Variants in KIF13A observed in about 807,000 individuals in gnomAD.
The protein encoded by KIF13A is kinesin family member 13A.
A neutral mutation model predicts 212.2 loss-of-function variants in KIF13A; 79 were observed. That is an observed-to-expected ratio of 0.37 (90% CI 0.31 to 0.45). KIF13A has a LOEUF of 0.45. Ranked by LOEUF, KIF13A falls within the 20% of genes least tolerant of loss-of-function variation. KIF13A has a pLI of 1.00. For missense variants in KIF13A, 1,901 were observed against 2,209.0 expected (o/e 0.86, Z 2.79); for synonymous variants, 789 against 808.6 (o/e 0.98, Z 0.41).
intron 2 of KIF13A, among the ~76,000 whole-genome samples, chr6:17,964,669 T>A (rs1395648599): frequency 6.6e-6 from 1 of 151,500 alleles, no homozygotes; most frequent in South Asian, 2.1e-4. Context: ...GTTTAAAGAA[T>A]TTTTTTTTGA....
In KIF13A at chr6:17,918,308, T is replaced by C. The variant is rs1325528075; in HGVS notation, c.147-20128A>G. On this transcript the variant is annotated intron_variant, in intron 2 of 38. Transcript: ENST00000259711. This position sits in a 1 kb window ranked among gnomAD's most constrained non-coding sequence, Gnocchi z 4.8. ...AATAAATACATACATGCATAAAAAATAGTCTCAGAACTGTAGACCAAAAGA... is the reference window on the plus strand; with the variant it reads ...AATAAATACATACATGCATAAAAAACAGTCTCAGAACTGTAGACCAAAAGA... Among the ~76,000 whole-genome samples the C allele has an allele frequency of 6.6e-6, 1 of 152,172 alleles. No individual in the cohort carries two copies. The highest frequency in any genetic ancestry group is 1.5e-5 in the Non-Finnish European group (1 of 68,030).
intron 2 of KIF13A, among the ~76,000 whole-genome samples, chr6:17,975,307 T>C (rs905837151): frequency 1.4e-5 from 2 of 145,656 alleles, no homozygotes; most frequent in African/African-American, 4.9e-5. Flanking sequence ...GAGCTGAGAC[T>C]GTGTTCCGAA....
intron 6 of KIF13A, among the ~76,000 whole-genome samples, chr6:17,852,991 A>G (rs556593073): frequency 6.6e-6 from 1 of 152,338 alleles, no homozygotes; most frequent in Non-Finnish European, 1.5e-5. Context: ...AAGCAAAGCT[A>G]TGTATATACT....
chr6:17,860,536 G>GT (rs1768655689), intron 4 of KIF13A, among the ~76,000 whole-genome samples: 1 of 152,040 alleles, frequency 6.6e-6, no homozygotes, highest in Non-Finnish European at 1.5e-5. Context: ...TGTGAAAACA[G>GT]TAATTGCTGC....
intron 2 of KIF13A, among the ~76,000 whole-genome samples, chr6:17,907,206 A>C (rs1489804711): frequency 2.6e-5 from 4 of 152,204 alleles, no homozygotes; most frequent in South Asian, 2.1e-4. Flanking sequence ...TCAAATAAAA[A>C]ATACTGAGGA....
chr6:17,779,491 C>T lies in KIF13A; in HGVS notation c.3939+101G>A, dbSNP rs569701629. The T allele has an allele frequency of 2.0e-4, 104 of 528,422 alleles. No homozygotes were observed. The East Asian group carries it at 3.7e-3, about 19-fold the overall frequency. 32.7% of individuals were successfully genotyped at this position (528,422 alleles called of 1,614,324 possible). A position where few individuals can be genotyped will look rare whatever the true frequency, so the allele number is the denominator to read the frequency against. ...TTCTCCATGTTGGTCAGGCTGGTCT[C>T]GAACTCCCGACCTCAGGTGATCCAC... On this transcript the variant is annotated intron_variant, in intron 32 of 38. Transcript: ENST00000259711.
intron 2 of KIF13A, among the ~76,000 whole-genome samples, chr6:17,975,691 G>A (rs1780360342): frequency 6.6e-6 from 1 of 152,150 alleles, no homozygotes; most frequent in Non-Finnish European, 1.5e-5. Flanking sequence ...GGCGCTGATT[G>A]GTGCGTTTAC....
In KIF13A at chr6:17,771,166, C is replaced by T. The variant is rs142518339; in HGVS notation, c.4529G>A (p.Ser1510Asn). 8.6e-5 allele frequency: 138 copies of T among 1,613,468 alleles called. No individual in the cohort carries two copies. The East Asian group carries it at 2.1e-3, about 24-fold the overall frequency. ...HNPGCIVPSG[S>N]NGSSMPVEHN... is the part of the protein sequence containing the mutation. The stretch of plus-strand genomic sequence containing the variant: ...TTCTACTGGCATGCTGCTGCCATTG[C>T]TTCCTGAGGGTACAATGCAGCCAGG... Residue 1510 changes from serine to asparagine, a missense_variant, in exon 38 of 39, where the codon AGC becomes AAC. Coordinates refer to ENST00000259711, the MANE Select transcript of KIF13A (RefSeq NM_022113.6). This position sits in a 1 kb window ranked among gnomAD's most constrained non-coding sequence, Gnocchi z 5.4.
chr6:17,903,292 G>A (rs2150490662), intron 2 of KIF13A, among the ~76,000 whole-genome samples: 1 of 152,298 alleles, frequency 6.6e-6, no homozygotes, highest in South Asian at 2.1e-4. Flanking sequence ...CATTTCAACA[G>A]CAGCATTCCC....
chr6:17,975,940 G>T (rs1286714110), intron 2 of KIF13A, among the ~76,000 whole-genome samples: 1 of 148,068 alleles, frequency 6.8e-6, no homozygotes, highest in East Asian at 2.0e-4. Context: ...GTTCTCCAAG[G>T]CCCCACCAGA....
rs1760755802 is a variant in KIF13A at position 17,783,144 on chromosome 6, G to C, written c.3544+502C>G. 6.6e-6 allele frequency among the ~76,000 whole-genome samples: 1 copy of C among 152,146 alleles called. No individual in the cohort carries two copies. The highest frequency in any genetic ancestry group is 6.5e-5 in the Admixed American group (1 of 15,280). Reference sequence around the variant, plus strand: ...ACTCTGCCGTTGTTTTCTACACATGGGGTTCCAGTTAATATTTCGTTTAGA... The same window carrying C: ...ACTCTGCCGTTGTTTTCTACACATGCGGTTCCAGTTAATATTTCGTTTAGA... On this transcript the variant is annotated intron_variant, in intron 29 of 38. Coordinates refer to ENST00000259711, the MANE Select transcript of KIF13A (RefSeq NM_022113.6). The surrounding 1 kb of genome is among the most constrained non-coding windows in gnomAD (Gnocchi z 4.3).
At chr6:17,957,424 CTGTT>C (rs1187987047) in intron 2 of KIF13A, among the ~76,000 whole-genome samples, 1 of 152,148 alleles carries the variant, frequency 6.6e-6, no homozygotes, top group African/African-American at 2.4e-5. Flanking sequence ...CTTCATCTGG[CTGTT>C]TATTTGTATC....
In KIF13A at chr6:17,834,080, T is replaced by A. The variant is rs777295881; in HGVS notation, c.1156-9A>T. On this transcript the variant is annotated splice_polypyrimidine_tract_variant and intron_variant, in intron 11 of 38. Transcript: ENST00000259711. This position sits in a 1 kb window ranked among gnomAD's most constrained non-coding sequence, Gnocchi z 4.0. ...TCAGGGGCCTTCATGGCCTTTAAAATGAAATCAGAGATATCTGATGTTCAA... is the reference window on the plus strand; with the variant it reads ...TCAGGGGCCTTCATGGCCTTTAAAAAGAAATCAGAGATATCTGATGTTCAA... The A allele has an allele frequency of 2.1e-5, 32 of 1,555,828 alleles. No homozygotes were observed. Among genetic ancestry groups the A allele is most frequent in the African/African-American group, 2.8e-5 (2 of 72,528 alleles).
chr6:17,840,628 G>A (rs1766418803), intron 9 of KIF13A, among the ~76,000 whole-genome samples: 1 of 151,904 alleles, frequency 6.6e-6, no homozygotes, highest in African/African-American at 2.4e-5. Flanking sequence ...CCTCTACTTT[G>A]TGGCAACTAC....
chr6:17,799,773 G>A lies in KIF13A; in HGVS notation c.2616+179C>T, dbSNP rs1581336502. On this transcript the variant is annotated intron_variant, in intron 21 of 38. Transcript: ENST00000259711. The surrounding 1 kb of genome is among the most constrained non-coding windows in gnomAD (Gnocchi z 4.4). ...TACATAAACACTTTTGAAATTTGAT[G>A]CAACTGTCATAAGAAAGTGTGCTAT... Among the ~76,000 whole-genome samples the A allele has an allele frequency of 6.6e-6, 1 of 152,004 alleles. No individual in the cohort carries two copies. Among genetic ancestry groups the A allele is most frequent in the African/African-American group, 2.4e-5 (1 of 41,286 alleles).
chr6:17,810,339 G>T (rs1763325532), intron 17 of KIF13A, among the ~76,000 whole-genome samples: 1 of 152,166 alleles, frequency 6.6e-6, no homozygotes, highest in Non-Finnish European at 1.5e-5. Context: ...CTCGGCTCAA[G>T]GCCTTGCAGG....
At chr6:17,830,929 C>T (rs1181357101) in intron 13 of KIF13A, among the ~76,000 whole-genome samples, 172 bp downstream of exon 13, 1 of 152,090 alleles carries the variant, frequency 6.6e-6, no homozygotes, top group Non-Finnish European at 1.5e-5. Flanking sequence ...CCAGATGATA[C>T]AAAATAGCTG....
At chr6:17,879,338 T>G (rs1051214857) in intron 3 of KIF13A, among the ~76,000 whole-genome samples, 1 of 152,196 alleles carries the variant, frequency 6.6e-6, no homozygotes. Flanking sequence ...TATGTAATAT[T>G]TTTTCAATTA....
At chr6:17,911,744 G>A in intron 2 of KIF13A, among the ~76,000 whole-genome samples, 2 of 146,590 alleles carry the variant, frequency 1.4e-5, no homozygotes, top group Admixed American at 6.9e-5. Flanking sequence ...TCATAGCACA[G>A]CAAGGTGACT....
Sources: allele counts gnomAD v4.1 joint callset (sites outside exome capture counted in the v4.1 genomes callset), GRCh38; gene constraint gnomAD v4.1.1; non-coding constraint Gnocchi (gnomAD v3.1); transcripts MANE v1.5; gene names NCBI Gene and HGNC (gene_info 2026-07-23, HGNC 2026-07-21).